NF1: variants seen among roughly 807,000 people sequenced by gnomAD.
NF1 encodes neurofibromin.
In NF1, 122 loss-of-function variants were observed where a neutral mutation model predicts 325.7. The observed-to-expected ratio is 0.37, with a 90% CI of 0.32 to 0.44. The LOEUF (loss-of-function observed/expected upper bound fraction) is 0.44, where lower values mean the gene tolerates loss of function less well. NF1 is among the 20% of genes least tolerant of loss of function. NF1 has a pLI of 1.00. For missense variants in NF1, 2,140 were observed against 3,415.4 expected (o/e 0.63, Z 9.31); for synonymous variants, 1,091 against 1,186.0 (o/e 0.92, Z 1.65).
chr17:31,270,471 A>G (rs1045808218), intron 36 of NF1, among the ~76,000 whole-genome samples: 2 of 152,126 alleles, frequency 1.3e-5, no homozygotes, highest in Non-Finnish European at 2.9e-5. Flanking sequence ...TCAGCCGTAC[A>G]TTGTGGCATA....
At chr17:31,356,739 T>C in intron 52 of NF1, 157 bp downstream of exon 52, 1 of 1,224,104 alleles carries the variant, frequency 8.2e-7, no homozygotes, top group Non-Finnish European at 1.1e-6. Context: ...AAGACAGTTA[T>C]CTTGAAGCTT....
At chr17:31,331,592 C>G in intron 39 of NF1, 1 of 152,064 alleles carries the variant, frequency 6.6e-6, no homozygotes, top group African/African-American at 2.4e-5. Flanking sequence ...TTAAGAGAAA[C>G]AGATTGATAA....
intron 22 of NF1, 117 bp from the exon 23 acceptor site, chr17:31,230,143 T>TA: frequency 7.1e-7 from 1 of 1,417,278 alleles, no homozygotes; most frequent in Non-Finnish European, 9.8e-7. Context: ...TCTAAATAAA[T>TA]ATCTTATTGT....
At chr17:31,306,631 T>C (rs1457064498) in intron 36 of NF1, among the ~76,000 whole-genome samples, 6 of 152,114 alleles carry the variant, frequency 3.9e-5, no homozygotes, top group Non-Finnish European at 8.8e-5. Flanking sequence ...TGCATATTTT[T>C]AAAGAATTTC....
At chr17:31,207,637 C>A (rs1253445690) in intron 12 of NF1, among the ~76,000 whole-genome samples, 1 of 151,844 alleles carries the variant, frequency 6.6e-6, no homozygotes, top group Non-Finnish European at 1.5e-5. Context: ...TTTTGTAATG[C>A]CAAGTACTTC....
At chr17:31,250,842 A>G (rs1336381339) in intron 30 of NF1, 2 of 186,486 alleles carry the variant, frequency 1.1e-5, no homozygotes, top group Admixed American at 6.2e-5. Context: ...AGCACTTCAC[A>G]GTAAAATATC....
chr17:31,362,442 A>G, intron 57 of NF1: 2 of 712,162 alleles, frequency 2.8e-6, no homozygotes, highest in Non-Finnish European at 3.4e-6. Flanking sequence ...ACTGCTTTAT[A>G]CAGTTCTTAT....
chr17:31,148,409 T>TTTCC (rs1273705282), intron 1 of NF1, among the ~76,000 whole-genome samples: 1 of 151,424 alleles, frequency 6.6e-6, no homozygotes, highest in South Asian at 2.1e-4. Context: ...TTTTTTTTTT[T>TTTCC]TCCTCCAGAC....
chr17:31,187,761 A>G (rs998436530), intron 8 of NF1, among the ~76,000 whole-genome samples: 4 of 152,100 alleles, frequency 2.6e-5, no homozygotes, highest in Admixed American at 6.5e-5. Context: ...CGTTCTTGAG[A>G]CATTATGTTC....
rs547517887 is a variant in NF1 at position 31,150,772 on chromosome 17, C to T, written c.61-5211C>T. Among the ~76,000 whole-genome samples the T allele has an allele frequency of 9.9e-5, 15 of 152,262 alleles. No individual in the cohort carries two copies. In the East Asian group the frequency reaches 1.4e-3, roughly 14 times the overall value. Reference sequence around the variant, plus strand: ...TCCGGCTGGGCACGGTGGCTCACGCCTGTAATCCCAGCACTTTGGGAGGCC... The same window carrying T: ...TCCGGCTGGGCACGGTGGCTCACGCTTGTAATCCCAGCACTTTGGGAGGCC... On this transcript the variant is annotated intron_variant, in intron 1 of 57. Transcript: ENST00000358273.
At chr17:31,191,656 T>C (rs1293938132) in intron 8 of NF1, among the ~76,000 whole-genome samples, 1 of 152,104 alleles carries the variant, frequency 6.6e-6, no homozygotes, top group East Asian at 1.9e-4. Context: ...GGGGATTGAT[T>C]GTGGTGATGT....
At position 31,334,795 on chromosome 17, in the gene NF1, A is replaced by G. The variant is rs150458700; in HGVS notation, c.5813-43A>G. ...TTTATGTTAAATAATTGTTGATGTG[A>G]TTTTCATTGACCATCACATGCTAAT... On this transcript the variant is annotated intron_variant, in intron 39 of 57. Transcript: ENST00000358273. The G allele has an allele frequency of 4.4e-4, 640 of 1,458,786 alleles. 4 individuals carry two copies. The African/African-American group carries it at 7.9e-3, about 18-fold the overall frequency. The allele number at this position is 1,458,786 out of a possible 1,614,324, so 90.4% of individuals were successfully genotyped here.
Position 31,305,597 on chromosome 17 carries a change from A to G in NF1, c.4836-20223A>G, listed in dbSNP as rs370014149. ...CCACAAAACAAAATTAAGATGAAAT[A>G]TTTGGGATCCATTTCAGAATATTTC... On this transcript the variant is annotated intron_variant, in intron 36 of 57. Coordinates refer to ENST00000358273, the MANE Select transcript of NF1 (RefSeq NM_001042492.3). 2.7e-5 allele frequency: 43 copies of G among 1,612,206 alleles called. No homozygotes were observed. In the Admixed American group the frequency reaches 4.0e-4, roughly 15 times the overall value.
At chr17:31,231,356 T>C (rs1344335900) in intron 24 of NF1, among the ~76,000 whole-genome samples, 2 of 152,212 alleles carry the variant, frequency 1.3e-5, no homozygotes, top group African/African-American at 2.4e-5. Context: ...ATGATACTTA[T>C]TGACACATAT....
chr17:31,194,410 C>T (rs1453049688), intron 8 of NF1, among the ~76,000 whole-genome samples: 2 of 151,646 alleles, frequency 1.3e-5, no homozygotes, highest in African/African-American at 4.8e-5. Context: ...GGGTAGGGAA[C>T]GATTTGTTAA....
At chr17:31,329,522 AT>A (rs1159829767) in intron 38 of NF1, among the ~76,000 whole-genome samples, 1 of 152,204 alleles carries the variant, frequency 6.6e-6, no homozygotes, top group Non-Finnish European at 1.5e-5. Context: ...TGAACAAACT[AT>A]TTCCTTTACT....
At position 31,358,606 on chromosome 17, in the gene NF1, A is replaced by G. The variant is rs1286475305; in HGVS notation, c.8097A>G (p.Gln2699=). The change falls in exon 55 of 58, where the codon CAA becomes CAG. Residue 2699 remains glutamine (Q), a synonymous_variant. Coordinates refer to ENST00000358273, the MANE Select transcript of NF1 (RefSeq NM_001042492.3). ...VYHEESPPQY[Q]TSYLQSFGFN... is the part of the protein sequence containing the mutation. Reference sequence around the variant, plus strand: ...ATGAAGAATCCCCACCACAATACCAAACATCTTACCTGCAAAGTAAATAAA... The same window carrying G: ...ATGAAGAATCCCCACCACAATACCAGACATCTTACCTGCAAAGTAAATAAA... 3 of 1,613,942 alleles carry G rather than the reference A, an allele frequency of 1.9e-6. No individual in the cohort carries two copies. Among genetic ancestry groups the G allele is most frequent in the Non-Finnish European group, 2.5e-6 (3 of 1,179,962 alleles).
At chr17:31,231,949 T>G in intron 24 of NF1, 124 bp from the exon 25 acceptor site, 1 of 628,092 alleles carries the variant, frequency 1.6e-6, no homozygotes, top group East Asian at 2.8e-5. Flanking sequence ...TAATAATTTG[T>G]TTAATGAAAT....
Position 31,330,453 on chromosome 17 carries a change from A to G in NF1, c.5767A>G (p.Thr1923Ala). ...KTLAANEPHL[T>A]LEFLEECISG... Reference sequence around the variant, plus strand: ...ACTGGCAGCCAATGAGCCACACCTCACGTTAGAATTTTTGGAAGAGTGTAT... The same window carrying G: ...ACTGGCAGCCAATGAGCCACACCTCGCGTTAGAATTTTTGGAAGAGTGTAT... The change falls in exon 39 of 58, where the codon ACG becomes GCG. Residue 1923 changes from threonine (T) to alanine (A), a missense_variant. Thr to Ala is a moderately conservative substitution (Grantham distance 58). Around this residue, in one of 10 missense-constraint regions of NF1, gnomAD observed 180 missense variants for 435.1 expected, o/e 0.41. Transcript: ENST00000358273. 1 of 1,613,784 alleles carries G rather than the reference A, an allele frequency of 6.2e-7. No homozygotes were observed. Among genetic ancestry groups the G allele is most frequent in the South Asian group, 1.1e-5 (1 of 91,030 alleles).
Sources: allele counts gnomAD v4.1 joint callset (sites outside exome capture counted in the v4.1 genomes callset), GRCh38; gene constraint gnomAD v4.1.1; regional missense constraint gnomAD v4.1.1; transcripts MANE v1.5; gene names NCBI Gene and HGNC (gene_info 2026-07-23, HGNC 2026-07-21).